The following PLCH1 variants were observed in gnomAD, a reference collection of about 807,000 sequenced individuals.
PLCH1 encodes phospholipase C eta 1.
PLCH1 carries 60 observed loss-of-function variants against 126.7 expected under a neutral mutation model. The observed-to-expected ratio is 0.47, with a 90% CI of 0.38 to 0.59. The LOEUF (loss-of-function observed/expected upper bound fraction) is 0.59. Among genes scored for constraint, PLCH1 ranks in the 20% least tolerant of loss-of-function variants. The pLI is 0.00. For missense variants in PLCH1, 1,723 were observed against 2,040.0 expected (o/e 0.84, Z 2.99); for synonymous variants, 719 against 734.9 (o/e 0.98, Z 0.35).
At chr3:155,590,307 G>A (rs359562) in intron 4 of PLCH1, among the ~76,000 whole-genome samples, 93,191 of 152,060 alleles carry the variant, frequency 0.61, 29,734 homozygotes, top group Middle Eastern at 0.76. Context: ...GGCCAGGTGC[G>A]GTGGCTCACG....
chr3:155,571,343 G>A (rs750270885), intron 6 of PLCH1, among the ~76,000 whole-genome samples: 9 of 152,016 alleles, frequency 5.9e-5, no homozygotes, highest in African/African-American at 1.2e-4. Context: ...GAAGTCCCCC[G>A]CCTATACCCA....
Position 155,593,839 on chromosome 3 carries a change from T to C in PLCH1, c.470+102A>G, listed in dbSNP as rs1336673434. ...GGGGTAAAGAAAGAGAAAGGAAAAT[T>C]ATGGGAAAAATTAAAACATAGTCTA... On this transcript the variant is annotated intron_variant, in intron 4 of 22. Transcript: ENST00000460012. The C allele has an allele frequency of 1.2e-5, 14 of 1,216,212 alleles. No individual in the cohort carries two copies. The South Asian group carries it at 1.4e-4, about 12-fold the overall frequency. 75.3% of individuals were successfully genotyped at this position (1,216,212 alleles called of 1,614,324 possible).
chr3:155,732,541 TAAAC>T (rs1748849022), intron 1 of PLCH1, among the ~76,000 whole-genome samples: 1 of 150,408 alleles, frequency 6.6e-6, no homozygotes, highest in Non-Finnish European at 1.5e-5. Flanking sequence ...AAAGAACTAA[TAAAC>T]TAATTCAGTA....
chr3:155,556,156 C>T lies in PLCH1; in HGVS notation c.1070-1960G>A, dbSNP rs576639875. 2.2e-4 allele frequency among the ~76,000 whole-genome samples: 34 copies of T among 152,240 alleles called. 1 individual carries two copies. Among genetic ancestry groups the T allele is most frequent in the African/African-American group, 7.7e-4 (32 of 41,544 alleles). On this transcript the variant is annotated intron_variant, in intron 8 of 22. Transcript: ENST00000460012. ...AAAGTCTGCCTTTAGAGTTCGAGACCGGCCTGGCCAACATGGTGAAACCCC... is the reference window on the plus strand; with the variant it reads ...AAAGTCTGCCTTTAGAGTTCGAGACTGGCCTGGCCAACATGGTGAAACCCC...
intron 10 of PLCH1, among the ~76,000 whole-genome samples, chr3:155,549,023 A>G (rs1460470666): frequency 6.6e-6 from 1 of 152,218 alleles, no homozygotes; most frequent in Non-Finnish European, 1.5e-5. Context: ...TTGAATTTTA[A>G]TACCCTATTG....
intron 2 of PLCH1, among the ~76,000 whole-genome samples, chr3:155,688,892 A>G (rs1455155793): frequency 6.6e-6 from 1 of 152,188 alleles, no homozygotes. Flanking sequence ...ATAGAACATC[A>G]GGTAAATTGC....
At chr3:155,647,384 A>T (rs1033252988) in intron 2 of PLCH1, among the ~76,000 whole-genome samples, 2 of 151,810 alleles carry the variant, frequency 1.3e-5, no homozygotes, top group African/African-American at 4.8e-5. Context: ...TTTAATAAGA[A>T]TGTTTCTGGG....
intron 7 of PLCH1, 99 bp from the exon 8 acceptor site, chr3:155,565,217 A>G (rs2108511873): frequency 1.4e-6 from 1 of 720,998 alleles, no homozygotes; most frequent in East Asian, 2.7e-5. Context: ...CATAATGATT[A>G]TCTTATTTAC....
chr3:155,625,515 A>C (rs796393709), intron 2 of PLCH1, among the ~76,000 whole-genome samples: 2 of 152,184 alleles, frequency 1.3e-5, no homozygotes, highest in South Asian at 4.1e-4. Context: ...ATCTACAAAG[A>C]ATTTAAACAA....
intron 2 of PLCH1, among the ~76,000 whole-genome samples, chr3:155,651,969 G>A (rs1179799439): frequency 6.6e-6 from 1 of 152,190 alleles, no homozygotes; most frequent in African/African-American, 2.4e-5. Flanking sequence ...GTAAAACTAT[G>A]TAAGTTCTGC....
At position 155,586,286 on chromosome 3, in the gene PLCH1, C is replaced by T. The variant is rs147711272; in HGVS notation, c.471-92G>A. ...CTCGCAAAGACATTTATCAGTAACA[C>T]AGAACTTGAGAAGAAATTATTTTGA... On this transcript the variant is annotated intron_variant, in intron 4 of 22. Coordinates refer to ENST00000460012, the MANE Select transcript of PLCH1 (RefSeq NM_014996.4). 4,259 of 1,319,818 alleles carry T rather than the reference C, an allele frequency of 3.2e-3. 60 individuals are homozygous for T. Among genetic ancestry groups the T allele is most frequent in the Middle Eastern group, 0.021 (111 of 5,388 alleles). 81.8% of individuals were successfully genotyped at this position (1,319,818 alleles called of 1,614,324 possible).
chr3:155,477,288 T>C (rs998864333), downstream of PLCH1, among the ~76,000 whole-genome samples: 1 of 152,078 alleles, frequency 6.6e-6, no homozygotes, highest in African/African-American at 2.4e-5. Context: ...TGTTAAGCTA[T>C]AAAATGACTA....
chr3:155,539,528 C>A (rs1723930234), intron 10 of PLCH1, among the ~76,000 whole-genome samples: 3 of 152,086 alleles, frequency 2.0e-5, no homozygotes, highest in Admixed American at 6.5e-5. Flanking sequence ...CCAAAAAGCT[C>A]CTAGATCTGA....
intron 2 of PLCH1, among the ~76,000 whole-genome samples, chr3:155,675,822 C>T (rs963418098): frequency 9.2e-5 from 14 of 152,082 alleles, no homozygotes; most frequent in African/African-American, 3.1e-4. Flanking sequence ...ACGAAAAAAA[C>T]ACTTCTGCCT....
intron 18 of PLCH1, 64 bp from the exon 19 acceptor site, chr3:155,490,932 G>A (rs1716082741): frequency 1.1e-6 from 1 of 912,248 alleles, no homozygotes; most frequent in Non-Finnish European, 1.8e-6. Flanking sequence ...TAATTAATCT[G>A]AGAATATTGG....
chr3:155,548,489 C>A (rs151136535), intron 10 of PLCH1, among the ~76,000 whole-genome samples: 1,802 of 152,284 alleles, frequency 0.012, 41 homozygotes, highest in African/African-American at 0.041. Context: ...CCCAGTTATG[C>A]AAAGGAGACT....
Position 155,733,934 on chromosome 3 carries a change from C to CATATATATAT in PLCH1, c.-41+10896_-41+10905dup, listed in dbSNP as rs35149793. ...AACATACAAATGGCCAACAGGTATA[C>CATATATATAT]ATATATATATATATATATATATATA... On this transcript the variant is annotated intron_variant, in intron 1 of 22. Coordinates refer to ENST00000460012, the MANE Select transcript of PLCH1 (RefSeq NM_014996.4). 7.7e-4 allele frequency among the ~76,000 whole-genome samples: 76 copies of CATATATATAT among 98,106 alleles called. 1 individual carries two copies. The highest frequency in any genetic ancestry group is 1.2e-3 in the Non-Finnish European group (54 of 45,970). 64.4% of individuals were successfully genotyped at this position (98,106 alleles called of 152,430 possible). A position where few individuals can be genotyped will look rare whatever the true frequency, so the allele number is the denominator to read the frequency against.
At chr3:155,579,414 C>A (rs919315868) in intron 6 of PLCH1, among the ~76,000 whole-genome samples, 1 of 152,166 alleles carries the variant, frequency 6.6e-6, no homozygotes, top group African/African-American at 2.4e-5. Flanking sequence ...CTTGCAAGGG[C>A]AATATTACTA....
chr3:155,558,565 G>A (rs563926595), intron 8 of PLCH1, among the ~76,000 whole-genome samples: 17 of 152,194 alleles, frequency 1.1e-4, no homozygotes, highest in African/African-American at 4.1e-4. Flanking sequence ...ATAACTAATA[G>A]TAAAACAGAA....
Sources: gnomAD v4.1 joint callset for allele counts (sites outside exome capture counted in the v4.1 genomes callset) on GRCh38, gnomAD v4.1.1 for gene constraint, MANE v1.5 for transcripts, NCBI Gene and HGNC (gene_info 2026-07-23, HGNC 2026-07-21) for gene names.